The following JUP variants were observed in gnomAD, a reference collection of about 807,000 sequenced individuals.
The protein encoded by JUP is junction plakoglobin, also known as catenin (cadherin-associated protein), gamma 80kDa.
JUP carries 28 observed loss-of-function variants against 71.1 expected under a neutral mutation model. That is an observed-to-expected ratio of 0.39 (90% CI 0.29 to 0.54). The LOEUF (loss-of-function observed/expected upper bound fraction) is 0.54. Ranked by LOEUF, JUP falls within the 20% of genes least tolerant of loss-of-function variation. JUP has a pLI of 0.62. For synonymous variants in JUP, 401 were observed against 438.9 expected, an observed-to-expected ratio of 0.91 and a Z score of 1.08; for missense variants, 869 against 1,030.1, an observed-to-expected ratio of 0.84 and a Z score of 2.14.
chr17:41,781,453 G>C (rs373946049), intron 1 of JUP, among the ~76,000 whole-genome samples: 1 of 152,236 alleles, frequency 6.6e-6, no homozygotes, highest in African/African-American at 2.4e-5. Flanking sequence ...GAGCAAAGGA[G>C]AGTGGTCCAT....
At chr17:41,763,354 G>A in intron 7 of JUP, 33 bp from the exon 8 acceptor site, 1 of 1,544,614 alleles carries the variant, frequency 6.5e-7, no homozygotes, top group Non-Finnish European at 8.9e-7. Context: ...GGGAGTCAGG[G>A]AGCAGCCAAC....
intron 1 of JUP, among the ~76,000 whole-genome samples, chr17:41,781,712 G>C (rs1221775824): frequency 6.6e-6 from 1 of 152,212 alleles, no homozygotes; most frequent in Admixed American, 6.5e-5. Context: ...TCTCCCCAAA[G>C]GGCAGCAATT....
chr17:41,780,932 G>C (rs544408106), intron 1 of JUP, among the ~76,000 whole-genome samples: 74 of 152,196 alleles, frequency 4.9e-4, no homozygotes, highest in African/African-American at 1.7e-3. Flanking sequence ...TGTAATCCCA[G>C]CACTTTGGGA....
chr17:41,758,045 C>T (rs1914148896), intron 10 of JUP: 1 of 556,728 alleles, frequency 1.8e-6, no homozygotes, highest in Non-Finnish European at 3.2e-6. Flanking sequence ...ATGTTAGACT[C>T]TTCTTGTCTG....
At chr17:41,772,045 C>A in intron 1 of JUP, 183 bp from the exon 2 acceptor site, 1 of 678,026 alleles carries the variant, frequency 1.5e-6, no homozygotes, top group Non-Finnish European at 2.7e-6. Flanking sequence ...GAGGGGCTGC[C>A]CACGACGAGA....
At chr17:41,781,839 CCCT>C (rs1202284860) in intron 1 of JUP, among the ~76,000 whole-genome samples, 2 of 152,190 alleles carry the variant, frequency 1.3e-5, no homozygotes, top group Admixed American at 6.5e-5. Context: ...GGCAGAAAGC[CCCT>C]CCTCCTGTCT....
At chr17:41,757,597 G>C (rs1466815325) in intron 11 of JUP, 37 bp downstream of exon 11, 4 of 1,614,106 alleles carry the variant, frequency 2.5e-6, no homozygotes, top group South Asian at 1.1e-5. Flanking sequence ...CGTGGCTGGG[G>C]GAGTGGGACC....
intron 1 of JUP, among the ~76,000 whole-genome samples, chr17:41,785,463 G>A (rs895125393): frequency 1.8e-4 from 28 of 151,552 alleles, no homozygotes; most frequent in African/African-American, 6.3e-4. Context: ...CCCCCACCCC[G>A]GCCCCTACCT....
chr17:41,784,639 C>T (rs2047358392), intron 1 of JUP, among the ~76,000 whole-genome samples: 1 of 152,132 alleles, frequency 6.6e-6, no homozygotes, highest in Admixed American at 6.5e-5. Flanking sequence ...TCCCATCCCC[C>T]GGCAGAAAAG....
intron 1 of JUP, chr17:41,775,864 C>T (rs1304084019): frequency 3.9e-6 from 2 of 511,476 alleles, no homozygotes; most frequent in East Asian, 1.5e-4. Context: ...CCCTTCTTTC[C>T]TGCCTCCTCC....
At chr17:41,761,859 A>G (rs977727932) in intron 8 of JUP, among the ~76,000 whole-genome samples, 5 of 151,984 alleles carry the variant, frequency 3.3e-5, no homozygotes, top group Non-Finnish European at 5.9e-5. Context: ...ACTTGAGTTC[A>G]GGAGTTCAAG....
intron 1 of JUP, among the ~76,000 whole-genome samples, chr17:41,776,983 G>A (rs905331751): frequency 6.6e-6 from 1 of 152,138 alleles, no homozygotes; most frequent in Admixed American, 6.5e-5. Context: ...TTCCAGCCAG[G>A]GATACAGTGC....
At chr17:41,777,330 A>AG (rs1555609037) in intron 1 of JUP, among the ~76,000 whole-genome samples, 1 of 152,170 alleles carries the variant, frequency 6.6e-6, no homozygotes, top group African/African-American at 2.4e-5. Context: ...AGCTGGGCTC[A>AG]GCAGGATCTC....
chr17:41,778,633 C>T (rs375380599), intron 1 of JUP, among the ~76,000 whole-genome samples: 3 of 151,644 alleles, frequency 2.0e-5, no homozygotes, highest in Admixed American at 6.6e-5. Context: ...AGGATGTTGC[C>T]GAGCACGGTG....
chr17:41,773,792 A>T (rs1423544799), intron 1 of JUP, among the ~76,000 whole-genome samples: 1 of 152,208 alleles, frequency 6.6e-6, no homozygotes, highest in Non-Finnish European at 1.5e-5. Context: ...CCCTGCCCCA[A>T]GGGCAAGTCC....
Position 41,755,267 on chromosome 17 carries a change from C to T in JUP, c.*477G>A. 2.5e-6 allele frequency: 1 copy of T among 399,490 alleles called. No individual in the cohort carries two copies. Among genetic ancestry groups the T allele is most frequent in the East Asian group, 3.6e-5 (1 of 28,062 alleles). 24.7% of individuals were successfully genotyped at this position (399,490 alleles called of 1,614,324 possible). On this transcript the variant is annotated 3_prime_UTR_variant, in exon 14 of 14. Coordinates refer to ENST00000393931, the MANE Select transcript of JUP (RefSeq NM_002230.4). The stretch of plus-strand genomic sequence containing the variant: ...GGGTGTCAGGCCCTGGACCCATGCC[C>T]AGGACAGAAAAGCAGGAGCAGAACA...
Position 41,769,658 on chromosome 17 carries a change from C to T in JUP, c.228G>A (p.Met76Ile), listed in dbSNP as rs202091411. The T allele has an allele frequency of 2.5e-6, 4 of 1,608,702 alleles. No individual in the cohort carries two copies. The highest frequency in any genetic ancestry group is 2.2e-5 in the East Asian group (1 of 44,698). The change falls in exon 3 of 14, where the codon ATG becomes ATA. Residue 76 changes from methionine to isoleucine, a missense_variant. Met to Ile is a conservative substitution (Grantham distance 10). Coordinates refer to ENST00000393931, the MANE Select transcript of JUP (RefSeq NM_002230.4). ...CCCGTTTGGCCCTGGCTGTTGTGGA[C>T]ATCTGGTACTCCAGATCACCTGGGG... is the stretch of plus-strand genomic sequence containing the variant. ...PPSQGDLEYQ[M>I]STTARAKRVR...
At chr17:41,779,158 A>T (rs1239187149) in intron 1 of JUP, among the ~76,000 whole-genome samples, 1 of 148,516 alleles carries the variant, frequency 6.7e-6, no homozygotes, top group Admixed American at 6.7e-5. Context: ...ATCGCTTGAA[A>T]CCAGAAGGCA....
At chr17:41,771,090 C>T (rs1293890297) in intron 2 of JUP, among the ~76,000 whole-genome samples, 7 of 152,172 alleles carry the variant, frequency 4.6e-5, no homozygotes, top group Non-Finnish European at 7.4e-5. Context: ...AGTGCAGTGG[C>T]GCAATCTCAG....
Sources: allele counts gnomAD v4.1 joint callset (sites outside exome capture counted in the v4.1 genomes callset), GRCh38; gene constraint gnomAD v4.1.1; transcripts MANE v1.5; gene names NCBI Gene and HGNC (gene_info 2026-07-23, HGNC 2026-07-21).